Variants in DPP6 observed in about 807,000 individuals in gnomAD.
The protein encoded by DPP6 is A-type potassium channel modulatory protein DPP6.
Under a neutral mutation model 122.6 loss-of-function variants are expected in DPP6, and 69 were observed. The ratio of observed to expected loss-of-function variants is 0.56; its 90% CI spans 0.46 to 0.69. The LOEUF (loss-of-function observed/expected upper bound fraction) is 0.69, where lower values mean the gene tolerates loss of function less well. Ranked by LOEUF, DPP6 falls within the 30% of genes least tolerant of loss-of-function variation. The pLI is 0.00. For synonymous variants in DPP6, 418 were observed against 433.1 expected (o/e 0.97, Z 0.43); for missense variants, 928 against 1,116.9 (o/e 0.83, Z 2.41).
intron 1 of DPP6, among the ~76,000 whole-genome samples, chr7:153,932,589 A>C (rs1421503335): frequency 2.0e-5 from 3 of 152,198 alleles, no homozygotes; most frequent in Non-Finnish European, 4.4e-5. Flanking sequence ...AACAAACAAG[A>C]TTGAGAATCT....
intron 8 of DPP6, among the ~76,000 whole-genome samples, chr7:154,733,454 T>G (rs1256222279): frequency 6.6e-6 from 1 of 152,218 alleles, no homozygotes; most frequent in East Asian, 1.9e-4. Context: ...TGCTTTGCAC[T>G]TCTTTATAGT....
rs548631674 is a variant in DPP6, at chr7:154,833,633, G to T, written c.1667-20147G>T. Among the ~76,000 whole-genome samples the T allele has an allele frequency of 1.3e-5, 2 of 152,166 alleles. No individual in the cohort carries two copies. Among genetic ancestry groups the T allele is most frequent in the African/African-American group, 4.8e-5 (2 of 41,428 alleles). ...CCGACTCTGACTCCGTATCTCAGAG[G>T]TGGGGGGCTCTGGTCATTTGCACCA... On this transcript the variant is annotated intron_variant, in intron 16 of 25. Coordinates refer to ENST00000377770, the MANE Select transcript of DPP6 (RefSeq NM_130797.4). The surrounding 1 kb of genome is among the most constrained non-coding windows in gnomAD (Gnocchi z 4.3).
At chr7:154,866,408 G>A (rs369045218) in intron 17 of DPP6, among the ~76,000 whole-genome samples, 35 of 152,378 alleles carry the variant, frequency 2.3e-4, no homozygotes, top group East Asian at 1.2e-3. Flanking sequence ...TGAAGCTGGC[G>A]CAGGGGCATG....
At chr7:154,297,167 C>T (rs951751030) in intron 1 of DPP6, among the ~76,000 whole-genome samples, 14 of 149,710 alleles carry the variant, frequency 9.4e-5, no homozygotes, top group African/African-American at 3.4e-4. Context: ...AGTGAAATGA[C>T]CTACCTTTAC....
At chr7:153,877,688 TAAA>T in the DPP6 span, among the ~76,000 whole-genome samples, 4 of 152,144 alleles carry the variant, frequency 2.6e-5, no homozygotes, top group African/African-American at 9.7e-5. Flanking sequence ...ATTAAATTGA[TAAA>T]AAGTGCATGA....
chr7:154,844,432 T>G (rs1381250930), intron 16 of DPP6, among the ~76,000 whole-genome samples: 1 of 152,222 alleles, frequency 6.6e-6, no homozygotes, highest in Non-Finnish European at 1.5e-5. Context: ...CTAACATGGG[T>G]CTAGTCTGGC....
At chr7:154,518,952 A>C (rs11772385) in intron 3 of DPP6, among the ~76,000 whole-genome samples, 12,916 of 152,160 alleles carry the variant, frequency 0.085, 595 homozygotes, top group Middle Eastern at 0.12. Flanking sequence ...AGGTTAGGGA[A>C]CTACATCAGA....
At chr7:153,938,891 C>G (rs1472683416) in intron 1 of DPP6, among the ~76,000 whole-genome samples, 1 of 152,178 alleles carries the variant, frequency 6.6e-6, no homozygotes, top group East Asian at 1.9e-4. Context: ...GTTACACACG[C>G]TCATTTTGCC....
chr7:154,096,535 T>C (rs1391921528), intron 1 of DPP6, among the ~76,000 whole-genome samples: 7 of 151,506 alleles, frequency 4.6e-5, no homozygotes, highest in Admixed American at 1.3e-4. Flanking sequence ...TTTTGGTTTA[T>C]AAAGTAAAAC....
chr7:153,848,536 T>C, the DPP6 span, among the ~76,000 whole-genome samples: 42,638 of 152,062 alleles, frequency 0.28, 6,242 homozygotes, highest in Middle Eastern at 0.35. Context: ...TGGGAATCTG[T>C]ATAAATATGG....
At chr7:154,769,687 A>G (rs1796130583) in intron 9 of DPP6, 116 bp downstream of exon 9, 4 of 1,291,022 alleles carry the variant, frequency 3.1e-6, no homozygotes, top group Middle Eastern at 2.7e-4. Context: ...AGCAGTTAAC[A>G]CAAGAAAGAC....
intron 1 of DPP6, among the ~76,000 whole-genome samples, chr7:154,154,804 C>T (rs1333374266): frequency 2.0e-5 from 3 of 152,214 alleles, no homozygotes; most frequent in Non-Finnish European, 2.9e-5. Flanking sequence ...CATGCATGCA[C>T]ACACACCAAA....
At chr7:153,928,776 T>C (rs914725839) in intron 1 of DPP6, among the ~76,000 whole-genome samples, 2 of 152,090 alleles carry the variant, frequency 1.3e-5, no homozygotes, top group African/African-American at 4.8e-5. Context: ...CAGACTTACA[T>C]TGATTTTGTG....
intron 1 of DPP6, among the ~76,000 whole-genome samples, chr7:154,264,814 G>A (rs1426913036): frequency 6.6e-6 from 1 of 152,080 alleles, no homozygotes; most frequent in Admixed American, 6.6e-5. Flanking sequence ...TAATGGTGTT[G>A]ATAATGATAG....
At chr7:153,950,377 T>G (rs1802153991) in intron 1 of DPP6, among the ~76,000 whole-genome samples, 1 of 152,124 alleles carries the variant, frequency 6.6e-6, no homozygotes, top group Non-Finnish European at 1.5e-5. Flanking sequence ...AGAGCTGGAC[T>G]AGGAATTGGA....
At chr7:153,828,733 T>C in the DPP6 span, among the ~76,000 whole-genome samples, 1 of 152,192 alleles carries the variant, frequency 6.6e-6, no homozygotes, top group Admixed American at 6.5e-5. Flanking sequence ...GGAATTTGCA[T>C]TTTATTTCTG....
At chr7:153,951,841 A>G (rs561840541) in intron 1 of DPP6, among the ~76,000 whole-genome samples, 3 of 152,200 alleles carry the variant, frequency 2.0e-5, no homozygotes, top group African/African-American at 7.2e-5. Flanking sequence ...TCAGGAGTTC[A>G]ATACCAGCCT....
intron 25 of DPP6, among the ~76,000 whole-genome samples, chr7:154,891,777 G>A (rs1806631913): frequency 6.6e-6 from 1 of 152,136 alleles, no homozygotes; most frequent in Non-Finnish European, 1.5e-5. Context: ...GTAGAGACAC[G>A]GTTTTACCGT....
rs559152671 is a variant in DPP6 at position 154,062,221 on chromosome 7, T to A, written c.243+9158T>A. ...CACCTGGAGGACTGCGGGTGTTAGG[T>A]GTCCAAGTAGAAAGTTCAAATCTTC... is the stretch of plus-strand genomic sequence containing the variant. On this transcript the variant is annotated intron_variant, in intron 1 of 25. Coordinates refer to ENST00000377770, the MANE Select transcript of DPP6 (RefSeq NM_130797.4). Among the ~76,000 whole-genome samples the A allele has an allele frequency of 2.3e-4, 23 of 98,694 alleles. 4 individuals carry two copies. The highest frequency in any genetic ancestry group is 1.0e-3 in the Admixed American group (10 of 9,800). 64.7% of individuals were successfully genotyped at this position (98,694 alleles called of 152,430 possible). A position where few individuals can be genotyped will look rare whatever the true frequency, so the allele number is the denominator to read the frequency against.
Sources: allele counts gnomAD v4.1 joint callset (sites outside exome capture counted in the v4.1 genomes callset), GRCh38; gene constraint gnomAD v4.1.1; non-coding constraint Gnocchi (gnomAD v3.1); transcripts MANE v1.5; gene names NCBI Gene and HGNC (gene_info 2026-07-23, HGNC 2026-07-21).